The following KNTC1 variants were observed in gnomAD, a reference collection of about 807,000 sequenced individuals.
KNTC1 encodes kinetochore associated 1.
In KNTC1, 253 loss-of-function variants were observed where a neutral mutation model predicts 314.4. The ratio of observed to expected loss-of-function variants is 0.80; its 90% CI spans 0.73 to 0.89. The LOEUF (loss-of-function observed/expected upper bound fraction) is 0.89, where lower values mean the gene tolerates loss of function less well. Among genes scored for constraint, KNTC1 ranks in the 40% least tolerant of loss-of-function variants. The pLI, the probability that KNTC1 is intolerant of heterozygous loss-of-function variation, is 0.00. For synonymous variants in KNTC1, 901 were observed against 901.4 expected, an observed-to-expected ratio of 1.00 and a Z score of 0.01; for missense variants, 2,475 against 2,572.9, an observed-to-expected ratio of 0.96 and a Z score of 0.82.
chr12:122,624,537 G>C, intron 62 of KNTC1, 61 bp from the exon 63 acceptor site: 1 of 1,257,536 alleles, frequency 8.0e-7, no homozygotes, highest in South Asian at 1.3e-5. Flanking sequence ...CTGAGTGCCG[G>C]GATTGTAGGC....
Position 122,549,822 on chromosome 12 carries a change from A to C in KNTC1, c.1044A>C (p.Glu348Asp). 6.4e-7 allele frequency: 1 copy of C among 1,573,902 alleles called. No homozygotes were observed. The highest frequency in any genetic ancestry group is 8.7e-7 in the Non-Finnish European group (1 of 1,152,516). ...CAATGGAAATACTATATTCTTTGGA[A>C]GTATCTAGTGTTTCTTCTCTGGTCC... is the stretch of plus-strand genomic sequence containing the variant. ...LPTMEILYSL[E>D]VSSVSSLVQT... The change falls in exon 13 of 64, where the codon GAA (glutamate) becomes GAC (aspartate). Residue 348 changes from glutamate (E) to aspartate (D), a missense_variant. By Grantham distance (45) the Glu-to-Asp change is conservative. Transcript: ENST00000333479.
intron 18 of KNTC1, among the ~76,000 whole-genome samples, chr12:122,558,289 G>A (rs1055158883): frequency 2.7e-5 from 4 of 146,642 alleles, no homozygotes; most frequent in Admixed American, 1.4e-4. Context: ...GCTTACTCCT[G>A]TAATCCCAGC....
At chr12:122,554,877 T>C (rs567348656) in intron 16 of KNTC1, among the ~76,000 whole-genome samples, 1 of 152,302 alleles carries the variant, frequency 6.6e-6, no homozygotes, top group South Asian at 2.1e-4. Context: ...TGGTTGTCTT[T>C]AAAAACCTGT....
At chr12:122,612,497 G>C (rs868612635) in intron 53 of KNTC1, among the ~76,000 whole-genome samples, 27 of 148,262 alleles carry the variant, frequency 1.8e-4, no homozygotes, top group Non-Finnish European at 3.0e-4. Flanking sequence ...TCAGCTCACT[G>C]CAACCTCCGC....
chr12:122,546,557 T>G (rs1210806630), intron 9 of KNTC1, 65 bp from the exon 10 acceptor site: 2 of 1,073,870 alleles, frequency 1.9e-6, no homozygotes, highest in South Asian at 1.5e-5. Context: ...AATATGTTAG[T>G]TTTTTATTTA....
chr12:122,591,130 G>T (rs768851153), intron 41 of KNTC1, among the ~76,000 whole-genome samples: 1 of 151,952 alleles, frequency 6.6e-6, no homozygotes, highest in Non-Finnish European at 1.5e-5. Context: ...TATTATAAAG[G>T]AAAGCCAGGC....
At position 122,618,261 on chromosome 12, in the gene KNTC1, C is replaced by A. The variant is rs974927969; in HGVS notation, c.6031-82C>A. 3 of 1,231,008 alleles carry A rather than the reference C, an allele frequency of 2.4e-6. No homozygotes were observed. In the African/African-American group the frequency reaches 4.5e-5, roughly 18 times the overall value. 76.3% of individuals were successfully genotyped at this position (1,231,008 alleles called of 1,614,324 possible). On this transcript the variant is annotated intron_variant, in intron 57 of 63. Transcript: ENST00000333479. ...TGCTGGGATTATAGGTGTGAGCCAC[C>A]GCGCCTGGCCTAGACTGCAAATTAA... is the stretch of plus-strand genomic sequence containing the variant.
At chr12:122,556,940 T>TTTA (rs71085823) in intron 16 of KNTC1, among the ~76,000 whole-genome samples, 6,110 of 140,338 alleles carry the variant, frequency 0.044, 189 homozygotes, top group Middle Eastern at 0.083. Context: ...TTTTTTTTTT[T>TTTA]AAATAGGGTC....
At chr12:122,544,075 C>A in intron 7 of KNTC1, 84 bp from the exon 8 acceptor site, 13 of 555,662 alleles carry the variant, frequency 2.3e-5, no homozygotes, top group African/African-American at 4.0e-5. Flanking sequence ...AAATTTATAA[C>A]TGATTGATAT....
Position 122,586,737 on chromosome 12 carries a change from C to T in KNTC1, c.3710C>T (p.Pro1237Leu), listed in dbSNP as rs745582103. 2.7e-6 allele frequency: 4 copies of T among 1,472,768 alleles called. No homozygotes were observed. The highest frequency in any genetic ancestry group is 3.9e-5 in the Admixed American group (2 of 50,890). The allele number at this position is 1,472,768 out of a possible 1,614,324, so 91.2% of individuals were successfully genotyped here. A position where few individuals can be genotyped will look rare whatever the true frequency, so the allele number is the denominator to read the frequency against. Reference sequence around the variant, plus strand: ...TATCCCTTGGAGTCTACCAGTTTGCCATACTGCTCCCTTAATGAAGGTATT... The same window carrying T: ...TATCCCTTGGAGTCTACCAGTTTGCTATACTGCTCCCTTAATGAAGGTATT... ...KRYPLESTSL[P>L]YCSLNEGDGL... The change falls in exon 38 of 64, where the codon CCA (proline) becomes CTA (leucine). Residue 1237 changes from proline to leucine, a missense_variant. Coordinates refer to ENST00000333479, the MANE Select transcript of KNTC1 (RefSeq NM_014708.6).
chr12:122,591,442 G>A lies in KNTC1; in HGVS notation c.4234G>A (p.Gly1412Ser). The A allele has an allele frequency of 6.5e-7, 1 of 1,545,518 alleles. No individual in the cohort carries two copies. The highest frequency in any genetic ancestry group is 8.9e-7 in the Non-Finnish European group (1 of 1,120,908). ...TGATGCCCAGTGGGGCATTCGTCTT[G>A]GTAAACTTGGTGTGAGTATTCTTTG... ...STDAQWGIRL[G>S]KLGISFQPVF... is the part of the protein sequence containing the mutation. Residue 1412 changes from glycine (G) to serine (S), a missense_variant, in exon 42 of 64, where the codon GGT becomes AGT. By Grantham distance (56) the Gly-to-Ser change is moderately conservative. Coordinates refer to ENST00000333479, the MANE Select transcript of KNTC1 (RefSeq NM_014708.6).
At position 122,605,354 on chromosome 12, in the gene KNTC1, T is replaced by G; in HGVS notation, c.5435T>G (p.Leu1812Trp). The G allele has an allele frequency of 1.2e-6, 2 of 1,606,770 alleles. No individual in the cohort carries two copies. Among genetic ancestry groups the G allele is most frequent in the Non-Finnish European group, 1.7e-6 (2 of 1,176,394 alleles). The change falls in exon 51 of 64, where the codon TTG becomes TGG. Residue 1812 changes from leucine (L) to tryptophan (W), a missense_variant. Coordinates refer to ENST00000333479, the MANE Select transcript of KNTC1 (RefSeq NM_014708.6). ...ATAGCCGAAGTCAATGAAATTAATT[T>G]GGAAAAAGTCTGGGACATGTTGTTG... is the stretch of plus-strand genomic sequence containing the variant. Reference protein sequence around the residue: ...KEIAEVNEINLEKVWDMLLEK... With the variant: ...KEIAEVNEINWEKVWDMLLEK...
rs781316398 is a variant in KNTC1 at position 122,530,043 on chromosome 12, C to T, written c.-21C>T. The stretch of plus-strand genomic sequence containing the variant: ...TCAGGAAAGACAGTGGTTCCTGACT[C>T]AGGAAGACAGTCTCAGAAACATGTG... On this transcript the variant is annotated 5_prime_UTR_variant, in exon 2 of 64. Transcript: ENST00000333479. The T allele has an allele frequency of 2.1e-5, 34 of 1,611,320 alleles. 1 individual carries two copies. The highest frequency in any genetic ancestry group is 2.8e-5 in the Non-Finnish European group (33 of 1,178,566).
At chr12:122,564,134 C>G (rs987005729) in intron 20 of KNTC1, among the ~76,000 whole-genome samples, 1 of 152,062 alleles carries the variant, frequency 6.6e-6, no homozygotes, top group Non-Finnish European at 1.5e-5. Context: ...CCCGCCACCA[C>G]GCCTGGCTAA....
At chr12:122,556,436 C>A (rs566647505) in intron 16 of KNTC1, among the ~76,000 whole-genome samples, 1 of 151,968 alleles carries the variant, frequency 6.6e-6, no homozygotes, top group Non-Finnish European at 1.5e-5. Flanking sequence ...ACCTCTGTAT[C>A]CTCCCGCCCC....
At position 122,546,166 on chromosome 12, in the gene KNTC1, A is replaced by C. The variant is rs891431101; in HGVS notation, c.670-10A>C. The C allele has an allele frequency of 1.9e-6, 3 of 1,578,944 alleles. No homozygotes were observed. Among genetic ancestry groups the C allele is most frequent in the Admixed American group, 3.3e-5 (2 of 59,848 alleles). Reference sequence around the variant, plus strand: ...AATTTGCATTTTAAGTACTGTGTTCATTTTTCCAGGGAACCGGTAATTGTG... The same window carrying C: ...AATTTGCATTTTAAGTACTGTGTTCCTTTTTCCAGGGAACCGGTAATTGTG... On this transcript the variant is annotated splice_polypyrimidine_tract_variant and intron_variant, in intron 8 of 63. Transcript: ENST00000333479.
chr12:122,575,615 G>A lies in KNTC1; in HGVS notation c.2455G>A (p.Val819Met), dbSNP rs1180163965. The A allele has an allele frequency of 1.3e-6, 2 of 1,596,890 alleles. No individual in the cohort carries two copies. Among genetic ancestry groups the A allele is most frequent in the South Asian group, 1.1e-5 (1 of 88,064 alleles). ...VPWSAAVEQL[V>M]KQHLEMDHPK... is the part of the protein sequence containing the mutation. ...TTGGAGTGCAGCTGTGGAGCAACTG[G>A]TGAAACAGCACCTGGAAATGGACCA... The change falls in exon 28 of 64, where the codon GTG becomes ATG. Residue 819 changes from valine to methionine, a missense_variant. Coordinates refer to ENST00000333479, the MANE Select transcript of KNTC1 (RefSeq NM_014708.6).
intron 53 of KNTC1, 25 bp from the exon 54 acceptor site, chr12:122,613,087 C>T: frequency 1.5e-6 from 2 of 1,370,492 alleles, no homozygotes; most frequent in African/African-American, 1.4e-5. Flanking sequence ...GTGTTCAACT[C>T]TCCAAACCTC....
intron 8 of KNTC1, among the ~76,000 whole-genome samples, chr12:122,545,399 G>A (rs1382604791): frequency 1.3e-5 from 2 of 151,652 alleles, no homozygotes; most frequent in Non-Finnish European, 2.9e-5. Flanking sequence ...GCAACACAGT[G>A]AGATCCTGTC....
Sources: gnomAD v4.1 joint callset for allele counts (sites outside exome capture counted in the v4.1 genomes callset) on GRCh38, gnomAD v4.1.1 for gene constraint, MANE v1.5 for transcripts, NCBI Gene and HGNC (gene_info 2026-07-23, HGNC 2026-07-21) for gene names.